DNAH5: variants seen among roughly 807,000 people sequenced by gnomAD.
DNAH5 encodes axonemal beta dynein heavy chain 5.
Under a neutral mutation model 518.2 loss-of-function variants are expected in DNAH5, and 372 were observed. The observed-to-expected ratio is 0.72, with a 90% confidence interval of 0.66 to 0.78. The LOEUF is 0.78. Among genes scored for constraint, DNAH5 ranks in the 30% least tolerant of loss-of-function variants. DNAH5 has a pLI of 0.00. For missense variants in DNAH5, 5,523 were observed against 5,687.0 expected, an observed-to-expected ratio of 0.97 and a Z score of 0.93; for synonymous variants, 2,039 against 2,025.9, an observed-to-expected ratio of 1.01 and a Z score of -0.17.
In DNAH5 at chr5:13,705,347, A is replaced by C. The variant is rs557888619; in HGVS notation, c.13338+2776T>G. Among the ~76,000 whole-genome samples the C allele has an allele frequency of 3.3e-4, 50 of 152,330 alleles. 1 individual carries two copies. The South Asian group carries it at 9.3e-3, about 28-fold the overall frequency. On this transcript the variant is annotated intron_variant, in intron 76 of 78. Coordinates refer to ENST00000265104, the MANE Select transcript of DNAH5 (RefSeq NM_001369.3). ...AGAGTGGCTTTTAGGCCTGAACCAC[A>C]AGAAAATGTTAATTAAGTATGTGAG...
intron 71 of DNAH5, 27 bp downstream of exon 71, chr5:13,720,973 G>A (rs1178161889): frequency 2.5e-6 from 4 of 1,613,916 alleles, no homozygotes; most frequent in Non-Finnish European, 2.5e-6. Flanking sequence ...GAACAGCATG[G>A]CACAAAAGTA....
intron 32 of DNAH5, among the ~76,000 whole-genome samples, chr5:13,842,205 C>G (rs1270659250): frequency 6.6e-6 from 1 of 151,638 alleles, no homozygotes; most frequent in Non-Finnish European, 1.5e-5. Flanking sequence ...TATGGTGAAA[C>G]CCTGTCTCTA....
intron 41 of DNAH5, among the ~76,000 whole-genome samples, chr5:13,818,842 G>A (rs907576076): frequency 1.8e-4 from 27 of 152,302 alleles, no homozygotes; most frequent in African/African-American, 5.8e-4. Context: ...CCTCCACGTC[G>A]TCAGCAGAAG....
At chr5:13,834,095 A>G (rs1033794003) in intron 35 of DNAH5, among the ~76,000 whole-genome samples, 1 of 152,230 alleles carries the variant, frequency 6.6e-6, no homozygotes, top group African/African-American at 2.4e-5. Context: ...TCGAAAATTA[A>G]TAACTCACTT....
chr5:13,738,243 A>T (rs1337271111), intron 65 of DNAH5, among the ~76,000 whole-genome samples: 3 of 142,182 alleles, frequency 2.1e-5, no homozygotes, highest in African/African-American at 8.5e-5. Context: ...ATTATATTTA[A>T]TATTATATAT....
chr5:13,890,861 T>C, intron 17 of DNAH5, 115 bp downstream of exon 17: 1 of 1,150,554 alleles, frequency 8.7e-7, no homozygotes, highest in Non-Finnish European at 1.3e-6. Context: ...ATCACTTCTA[T>C]CACAGAGCAC....
At chr5:13,848,922 C>G (rs547156961) in intron 31 of DNAH5, among the ~76,000 whole-genome samples, 17 of 152,302 alleles carry the variant, frequency 1.1e-4, no homozygotes, top group South Asian at 8.3e-4. Flanking sequence ...GACCCCTGCT[C>G]TATAGCATAG....
chr5:13,811,832 T>A lies in DNAH5; in HGVS notation c.7231-9A>T, dbSNP rs945527843. On this transcript the variant is annotated splice_polypyrimidine_tract_variant and intron_variant, in intron 43 of 78. Coordinates refer to ENST00000265104, the MANE Select transcript of DNAH5 (RefSeq NM_001369.3). ...CGTTTCTTAAGAAAACCCTGTCAGT[T>A]CACAGACAAGTGTATTCATGAAACT... 6.2e-7 allele frequency: 1 copy of A among 1,613,934 alleles called. No homozygotes were observed. The highest frequency in any genetic ancestry group is 8.5e-7 in the Non-Finnish European group (1 of 1,179,922).
intron 78 of DNAH5, among the ~76,000 whole-genome samples, chr5:13,699,620 A>C (rs988460554): frequency 7.2e-5 from 11 of 152,322 alleles, no homozygotes; most frequent in Middle Eastern, 3.4e-3. Context: ...AGGCTGAGGC[A>C]GGAGAATCGC....
intron 41 of DNAH5, 24 bp downstream of exon 41, chr5:13,820,322 G>A: frequency 6.2e-7 from 1 of 1,604,528 alleles, no homozygotes; most frequent in Non-Finnish European, 8.5e-7. Context: ...GCCACCCCAG[G>A]CATTGACCTT....
chr5:13,940,312 T>A (rs962905124), intron 1 of DNAH5, among the ~76,000 whole-genome samples: 1 of 152,186 alleles, frequency 6.6e-6, no homozygotes, highest in Non-Finnish European at 1.5e-5. Flanking sequence ...CACAGTGATT[T>A]CACTCCAAAA....
At chr5:13,778,580 A>AAG (rs1338728386) in intron 53 of DNAH5, among the ~76,000 whole-genome samples, 2 of 74,900 alleles carry the variant, frequency 2.7e-5, no homozygotes, top group Admixed American at 1.1e-4. Flanking sequence ...GAAAGAAAGA[A>AAG]AGAAAGAAAG....
At chr5:13,975,090 G>A (rs948146055) in intron 1 of DNAH5, among the ~76,000 whole-genome samples, 1 of 152,200 alleles carries the variant, frequency 6.6e-6, no homozygotes, top group Non-Finnish European at 1.5e-5. Context: ...CTGTTTTCAT[G>A]CTGCTGATAA....
intron 45 of DNAH5, 51 bp downstream of exon 45, chr5:13,810,008 T>C: frequency 1.3e-6 from 2 of 1,499,664 alleles, no homozygotes; most frequent in Non-Finnish European, 1.8e-6. Flanking sequence ...ATTGGCCATG[T>C]AGGAAAGAAC....
At chr5:13,724,488 T>G (rs1263589995) in intron 70 of DNAH5, among the ~76,000 whole-genome samples, 1 of 152,230 alleles carries the variant, frequency 6.6e-6, no homozygotes, top group Admixed American at 6.5e-5. Context: ...GACTTGATGC[T>G]GTAACAAGTT....
intron 1 of DNAH5, among the ~76,000 whole-genome samples, chr5:13,957,601 T>C (rs1268178458): frequency 6.6e-6 from 1 of 151,826 alleles, no homozygotes; most frequent in Non-Finnish European, 1.5e-5. Context: ...TATATCTTAC[T>C]GTGTGGAAGA....
chr5:13,829,507 C>T lies in DNAH5; in HGVS notation c.6444+3G>A, dbSNP rs780797140. 5 of 1,614,104 alleles carry T rather than the reference C, an allele frequency of 3.1e-6. No individual in the cohort carries two copies. The highest frequency in any genetic ancestry group is 4.5e-5 in the East Asian group (2 of 44,882). ...AGTGCATAAGACCTCCAGGATGACA[C>T]ACCTGCTTAGAAAGCTGCTCCTCAC... On this transcript the variant is annotated splice_donor_region_variant and intron_variant, in intron 38 of 78. Coordinates refer to ENST00000265104, the MANE Select transcript of DNAH5 (RefSeq NM_001369.3).
intron 68 of DNAH5, 27 bp from the exon 69 acceptor site, chr5:13,729,587 G>A (rs377355752): frequency 1.9e-6 from 3 of 1,588,918 alleles, no homozygotes; most frequent in Non-Finnish European, 1.7e-6. Context: ...TAAATTATCA[G>A]ATTTCCCTTC....
intron 74 of DNAH5, 118 bp from the exon 75 acceptor site, chr5:13,714,738 G>C (rs1744062277): frequency 1.1e-6 from 1 of 945,972 alleles, no homozygotes; most frequent in South Asian, 1.4e-5. Context: ...AGTCTTATTG[G>C]TGTCAAGCTA....
Sources: allele counts gnomAD v4.1 joint callset (sites outside exome capture counted in the v4.1 genomes callset), GRCh38; gene constraint gnomAD v4.1.1; transcripts MANE v1.5; gene names NCBI Gene and HGNC (gene_info 2026-07-23, HGNC 2026-07-21).